The following ATP11A variants were observed in gnomAD, a reference collection of about 807,000 sequenced individuals.
ATP11A encodes the protein phospholipid-transporting ATPase IH.
A neutral mutation model predicts 154.4 loss-of-function variants in ATP11A; 81 were observed. That is an observed-to-expected ratio of 0.52 (90% CI 0.44 to 0.63). The LOEUF (loss-of-function observed/expected upper bound fraction) is 0.63, where lower values mean the gene tolerates loss of function less well. ATP11A is among the 30% of genes least tolerant of loss of function. ATP11A has a pLI of 0.00. For synonymous variants in ATP11A, 623 were observed against 585.9 expected (o/e 1.06, Z -0.91); for missense variants, 1,316 against 1,474.3 (o/e 0.89, Z 1.76).
Position 112,832,971 on chromosome 13 carries a change from G to T in ATP11A, c.1507G>T (p.Val503Leu). 6.2e-7 allele frequency: 1 copy of T among 1,613,898 alleles called. No homozygotes were observed. Among genetic ancestry groups the T allele is most frequent in the Non-Finnish European group, 8.5e-7 (1 of 1,179,920 alleles). Residue 503 changes from valine to leucine, a missense_variant, in exon 14 of 30, where the codon GTG (valine) becomes TTG (leucine). Val to Leu is a conservative substitution (Grantham distance 32, BLOSUM62 1). Around this residue, in one of 5 missense-constraint regions of ATP11A, gnomAD observed 876 missense variants for 1,006.8 expected, o/e 0.87. Transcript: ENST00000375645. Reference sequence around the variant, plus strand: ...ATCGCCGGACGGGGGGAAATCCTGTGTGTACATCTCATCCTCGCCCGACGA... The same window carrying T: ...ATCGCCGGACGGGGGGAAATCCTGTTTGTACATCTCATCCTCGCCCGACGA... ...RKSPDGGKSC[V>L]YISSSPDEVA...
chr13:112,691,011 C>G (rs1244078047), intron 1 of ATP11A, among the ~76,000 whole-genome samples: 1 of 152,134 alleles, frequency 6.6e-6, no homozygotes, highest in African/African-American at 2.4e-5. Context: ...TTAAAGTAAC[C>G]AATTAGATCA....
chr13:112,706,061 T>C (rs1461457549), intron 1 of ATP11A, among the ~76,000 whole-genome samples: 3 of 152,232 alleles, frequency 2.0e-5, no homozygotes, highest in African/African-American at 7.2e-5. Context: ...TCTACTATTG[T>C]GTAGCTTGCT....
At chr13:112,815,969 A>G in intron 5 of ATP11A, 114 bp from the exon 6 acceptor site, 2 of 1,432,176 alleles carry the variant, frequency 1.4e-6, no homozygotes, top group Non-Finnish European at 1.9e-6. Context: ...CCGTGTCCAC[A>G]TCCCCGTGTC....
Position 112,875,882 on chromosome 13 carries a change from G to A in ATP11A, c.3268G>A (p.Asp1090Asn), listed in dbSNP as rs1411005250. ...GCTGGTGACCATCAGCCTCCTTCCC[G>A]ACGTCCTCAAGAAAGTCCTGTGCCG... The part of the protein sequence containing the change: ...VLLVTISLLP[D>N]VLKKVLCRQL... Residue 1090 changes from aspartate (D) to asparagine (N), a missense_variant, in exon 28 of 30, where the codon GAC (aspartate) becomes AAC (asparagine). Physicochemically the swap from Asp to Asn is conservative, Grantham distance 23. Around this residue, in one of 5 missense-constraint regions of ATP11A, gnomAD observed 294 missense variants for 290.2 expected, o/e 1.01. Transcript: ENST00000375645. This position sits in a 1 kb window ranked among gnomAD's most constrained non-coding sequence, Gnocchi z 4.1. 5.0e-6 allele frequency: 8 copies of A among 1,613,554 alleles called. No individual in the cohort carries two copies. Among genetic ancestry groups the A allele is most frequent in the South Asian group, 2.2e-5 (2 of 91,088 alleles).
intron 1 of ATP11A, among the ~76,000 whole-genome samples, chr13:112,724,607 A>G (rs1039151691): frequency 1.3e-4 from 20 of 152,008 alleles, no homozygotes; most frequent in African/African-American, 4.8e-4. Context: ...GATTGAGTTC[A>G]GTCTCCAGTG....
chr13:112,871,181 C>G (rs4907464), intron 25 of ATP11A, among the ~76,000 whole-genome samples: 61,939 of 152,022 alleles, frequency 0.41, 12,844 homozygotes, highest in Middle Eastern at 0.47. Context: ...AGAACGTTCC[C>G]GCCGCTGTTC....
At chr13:112,722,066 G>C (rs1271597202) in intron 1 of ATP11A, among the ~76,000 whole-genome samples, 1 of 152,022 alleles carries the variant, frequency 6.6e-6, no homozygotes, top group African/African-American at 2.4e-5. Context: ...ATCAGTGAAG[G>C]GTCCAACTCA....
At chr13:112,868,197 G>A (rs1174525439) in intron 25 of ATP11A, among the ~76,000 whole-genome samples, 4 of 152,234 alleles carry the variant, frequency 2.6e-5, no homozygotes, top group African/African-American at 7.2e-5. Flanking sequence ...CGTAGGATGC[G>A]ATGAGAGCAG....
At chr13:112,874,469 T>C (rs2080651758) in intron 27 of ATP11A, among the ~76,000 whole-genome samples, 1 of 152,162 alleles carries the variant, frequency 6.6e-6, no homozygotes, top group African/African-American at 2.4e-5. Flanking sequence ...CTAGAGACTG[T>C]CGCTGTAAGC....
At chr13:112,740,394 G>A (rs564483077) in intron 1 of ATP11A, among the ~76,000 whole-genome samples, 1 of 152,042 alleles carries the variant, frequency 6.6e-6, no homozygotes, top group Non-Finnish European at 1.5e-5. Context: ...GGCTGGTCTT[G>A]AACTCCTGAC....
chr13:112,881,376 C>T, intron 29 of ATP11A: 1 of 1,041,184 alleles, frequency 9.6e-7, no homozygotes, highest in South Asian at 3.5e-5. Flanking sequence ...TCAACCCGGT[C>T]CCTGTGGGGT....
intron 24 of ATP11A, among the ~76,000 whole-genome samples, chr13:112,861,853 T>A (rs1302322035): frequency 6.7e-6 from 1 of 149,726 alleles, no homozygotes; most frequent in East Asian, 1.9e-4. Context: ...AAATTCTGTC[T>A]TATTGAACAG....
intron 8 of ATP11A, among the ~76,000 whole-genome samples, chr13:112,822,745 A>G (rs1361959842): frequency 1.4e-5 from 2 of 145,828 alleles, no homozygotes; most frequent in African/African-American, 4.9e-5. Context: ...CCCTGTTGCA[A>G]AAAAAAAAAA....
At chr13:112,850,875 ATCTT>A (rs1389497043) in intron 17 of ATP11A, among the ~76,000 whole-genome samples, 158 bp from the exon 18 acceptor site, 1 of 152,194 alleles carries the variant, frequency 6.6e-6, no homozygotes, top group East Asian at 1.9e-4. Context: ...TTGGATTATA[ATCTT>A]TCTTTCTTTG....
chr13:112,749,170 G>A (rs543369377), intron 1 of ATP11A, among the ~76,000 whole-genome samples: 2 of 152,296 alleles, frequency 1.3e-5, no homozygotes, highest in South Asian at 2.1e-4. Flanking sequence ...CCATGGATGC[G>A]CCTCCATCTC....
intron 1 of ATP11A, among the ~76,000 whole-genome samples, chr13:112,749,658 A>C (rs986882529): frequency 2.0e-5 from 3 of 152,282 alleles, no homozygotes; most frequent in Non-Finnish European, 4.4e-5. Context: ...AAAGGGAAGG[A>C]GAGTCTCCAT....
chr13:112,801,065 C>T (rs566403313), intron 2 of ATP11A, among the ~76,000 whole-genome samples: 1 of 151,984 alleles, frequency 6.6e-6, no homozygotes, highest in South Asian at 2.1e-4. Context: ...GATGGTTTCA[C>T]CCTAAGATTG....
intron 5 of ATP11A, among the ~76,000 whole-genome samples, chr13:112,812,357 A>C (rs1038363726): frequency 6.0e-5 from 9 of 151,220 alleles, no homozygotes; most frequent in African/African-American, 2.2e-4. Context: ...GCTCTTTCCA[A>C]CTCCCACGCC....
chr13:112,695,861 T>C (rs1196015848), intron 1 of ATP11A, among the ~76,000 whole-genome samples: 1 of 152,236 alleles, frequency 6.6e-6, no homozygotes. Flanking sequence ...AGTTAAATGC[T>C]GGTAAAAATG....
Sources: allele counts gnomAD v4.1 joint callset (sites outside exome capture counted in the v4.1 genomes callset), GRCh38; gene constraint gnomAD v4.1.1; regional missense constraint gnomAD v4.1.1; non-coding constraint Gnocchi (gnomAD v3.1); transcripts MANE v1.5; gene names NCBI Gene and HGNC (gene_info 2026-07-23, HGNC 2026-07-21).